The following TBC1D5 variants were observed in gnomAD, a reference collection of about 807,000 sequenced individuals.
TBC1D5 encodes TBC1 domain family, member 5.
A neutral mutation model predicts 100.3 loss-of-function variants in TBC1D5; 75 were observed. The observed-to-expected ratio is 0.75, with a 90% confidence interval of 0.62 to 0.91. The LOEUF is 0.91. Ranked by LOEUF, TBC1D5 falls within the 40% of genes least tolerant of loss-of-function variation. The pLI is 0.00. For missense variants in TBC1D5, 910 were observed against 942.4 expected, an observed-to-expected ratio of 0.97 and a Z score of 0.45; for synonymous variants, 323 against 325.6, an observed-to-expected ratio of 0.99 and a Z score of 0.09.
chr3:17,538,280 C>T (rs756101398), intron 2 of TBC1D5, among the ~76,000 whole-genome samples: 6 of 152,122 alleles, frequency 3.9e-5, no homozygotes, highest in Admixed American at 1.3e-4. Flanking sequence ...AGAAAACACT[C>T]GGTGCTGGTG....
In TBC1D5 at chr3:17,508,636, A is replaced by G. The variant is rs1337320169; in HGVS notation, c.-35-31T>C. The G allele has an allele frequency of 3.6e-6, 4 of 1,106,646 alleles. No homozygotes were observed. The Admixed American group carries it at 6.9e-5, about 19-fold the overall frequency. The allele number at this position is 1,106,646 out of a possible 1,614,324, so 68.6% of individuals were successfully genotyped here. On this transcript the variant is annotated intron_variant, in intron 2 of 21. Coordinates refer to ENST00000253692, the Ensembl canonical transcript of TBC1D5. ...AGGTGAAAAAATACAGAGAAAAATAATAAATTCTTTTTCTGCTATGACTGG... is the reference window on the plus strand; with the variant it reads ...AGGTGAAAAAATACAGAGAAAAATAGTAAATTCTTTTTCTGCTATGACTGG...
At chr3:17,272,008 C>G (rs1047468250) in intron 15 of TBC1D5, among the ~76,000 whole-genome samples, 1 of 152,092 alleles carries the variant, frequency 6.6e-6, no homozygotes. Flanking sequence ...ACACAGGGAA[C>G]CTCATCAGAA....
chr3:17,334,114 G>A (rs563810059), intron 13 of TBC1D5, among the ~76,000 whole-genome samples: 1 of 152,160 alleles, frequency 6.6e-6, no homozygotes, highest in Admixed American at 6.6e-5. Flanking sequence ...AAGTCAGAGA[G>A]TAGCATGCTT....
intron 19 of TBC1D5, among the ~76,000 whole-genome samples, chr3:17,179,541 G>T (rs1196635381): frequency 6.6e-6 from 1 of 152,182 alleles, no homozygotes; most frequent in Non-Finnish European, 1.5e-5. Flanking sequence ...TGTGGCCTCA[G>T]TAGACTAATC....
intron 16 of TBC1D5, among the ~76,000 whole-genome samples, chr3:17,240,035 C>A (rs1380346251): frequency 6.6e-6 from 1 of 152,178 alleles, no homozygotes; most frequent in African/African-American, 2.4e-5. Context: ...TTCCTTCTCT[C>A]AGATCTAGCT....
chr3:17,400,897 C>T (rs1044274252), intron 8 of TBC1D5, among the ~76,000 whole-genome samples: 14 of 152,114 alleles, frequency 9.2e-5, no homozygotes, highest in African/African-American at 3.4e-4. Context: ...GCTCTTGGGG[C>T]CTTCAGCCAT....
intron 15 of TBC1D5, among the ~76,000 whole-genome samples, chr3:17,281,024 C>G (rs1276471539): frequency 6.6e-6 from 1 of 152,226 alleles, no homozygotes; most frequent in Non-Finnish European, 1.5e-5. Flanking sequence ...TTGAGTGCAA[C>G]AGGTTCAAGT....
chr3:17,548,158 G>A (rs1367363167), intron 2 of TBC1D5, among the ~76,000 whole-genome samples: 4 of 151,786 alleles, frequency 2.6e-5, no homozygotes, highest in South Asian at 2.1e-4. Flanking sequence ...TATTAAAAAC[G>A]CAAAAAATCA....
chr3:17,168,445 C>G (rs1043791963), intron 19 of TBC1D5, among the ~76,000 whole-genome samples: 2 of 152,140 alleles, frequency 1.3e-5, no homozygotes, highest in Non-Finnish European at 2.9e-5. Context: ...AGGGACCCAC[C>G]AAGCCAGCTT....
At chr3:17,739,843 A>G (rs2077261505) in exon 1 of TBC1D5, 2 of 152,046 alleles carry the variant, frequency 1.3e-5, no homozygotes, top group South Asian at 4.2e-4. Context: ...CGTCTCTACT[A>G]AAAATACAAA....
chr3:17,284,936 G>A (rs926852767), intron 15 of TBC1D5, among the ~76,000 whole-genome samples: 7 of 151,844 alleles, frequency 4.6e-5, no homozygotes, highest in African/African-American at 1.7e-4. Flanking sequence ...AAAGAAAAAG[G>A]AAATATTAGT....
At chr3:17,393,933 T>C (rs1416096523) in intron 8 of TBC1D5, among the ~76,000 whole-genome samples, 1 of 152,056 alleles carries the variant, frequency 6.6e-6, no homozygotes, top group African/African-American at 2.4e-5. Flanking sequence ...TCATGACTAA[T>C]ACACCAAAAG....
At chr3:17,649,373 G>A (rs1200803606) in intron 1 of TBC1D5, among the ~76,000 whole-genome samples, 1 of 152,012 alleles carries the variant, frequency 6.6e-6, no homozygotes, top group Non-Finnish European at 1.5e-5. Flanking sequence ...ATTGGGTACT[G>A]GGCTTAATAC....
chr3:17,300,829 C>T lies in TBC1D5; in HGVS notation c.1138+7163G>A, dbSNP rs375019951. ...GCTCATGCCTGTAATCCCAGCACTT[C>T]GGGAGGCTGAGGTGGGCAGATGACC... On this transcript the variant is annotated intron_variant, in intron 14 of 21. Transcript: ENST00000253692. 5.3e-5 allele frequency among the ~76,000 whole-genome samples: 8 copies of T among 151,930 alleles called. No homozygotes were observed. In the South Asian group the frequency reaches 1.2e-3, roughly 24 times the overall value.
intron 1 of TBC1D5, chr3:17,672,513 A>C (rs2068056896): frequency 6.6e-6 from 1 of 152,206 alleles, no homozygotes; most frequent in Non-Finnish European, 1.5e-5. Flanking sequence ...GGTTACAATA[A>C]AGCAAAAATA....
chr3:17,467,283 C>A (rs951553901), intron 3 of TBC1D5, among the ~76,000 whole-genome samples: 1 of 52,574 alleles, frequency 1.9e-5, no homozygotes, highest in African/African-American at 9.7e-5. Context: ...TCTGCCAGAC[C>A]TTCTTTTTTT....
At chr3:17,270,795 T>C (rs1227346310) in intron 15 of TBC1D5, among the ~76,000 whole-genome samples, 1 of 152,118 alleles carries the variant, frequency 6.6e-6, no homozygotes, top group South Asian at 2.1e-4. Context: ...TTGTTGTATA[T>C]GGTGAAGGTA....
At position 17,196,136 on chromosome 3, in the gene TBC1D5, C is replaced by T. The variant is rs989407083; in HGVS notation, c.1753-10928G>A. Among the ~76,000 whole-genome samples the T allele has an allele frequency of 1.2e-3, 181 of 152,268 alleles. 1 individual carries two copies. The highest frequency in any genetic ancestry group is 4.0e-3 in the African/African-American group (166 of 41,546). On this transcript the variant is annotated intron_variant, in intron 18 of 21. Transcript: ENST00000253692. Reference sequence around the variant, plus strand: ...TACAGTGACAAGCGCCTGCAAGAGCCTTATAAGTAAACACAAGTAGTTCTC... The same window carrying T: ...TACAGTGACAAGCGCCTGCAAGAGCTTTATAAGTAAACACAAGTAGTTCTC...
intron 13 of TBC1D5, among the ~76,000 whole-genome samples, chr3:17,326,893 A>C (rs2086223411): frequency 6.6e-6 from 1 of 152,196 alleles, no homozygotes; most frequent in Non-Finnish European, 1.5e-5. Flanking sequence ...CTCAGGAGCC[A>C]AAAACCTTGG....
Sources: gnomAD v4.1 joint callset for allele counts (sites outside exome capture counted in the v4.1 genomes callset) on GRCh38, gnomAD v4.1.1 for gene constraint, MANE v1.5 for transcripts, NCBI Gene and HGNC (gene_info 2026-07-23, HGNC 2026-07-21) for gene names.